The following VAC14 variants were observed in gnomAD, a reference collection of about 807,000 sequenced individuals.
VAC14 encodes VAC14 component of PIKFYVE complex.
A neutral mutation model predicts 85.3 loss-of-function variants in VAC14; 47 were observed. The observed-to-expected ratio is 0.55, with a 90% CI of 0.44 to 0.70. VAC14 has a LOEUF of 0.70. VAC14 is among the 30% of genes least tolerant of loss of function. The probability of loss-of-function intolerance (pLI) is 0.00; values close to 1 mark genes in which losing one functional copy is unlikely to be tolerated. For synonymous variants in VAC14, 447 were observed against 430.5 expected (o/e 1.04, Z -0.47); for missense variants, 861 against 1,004.3 (o/e 0.86, Z 1.93).
intron 14 of VAC14, among the ~76,000 whole-genome samples, chr16:70,724,342 A>C (rs749980987): frequency 2.0e-5 from 3 of 152,142 alleles, no homozygotes; most frequent in Non-Finnish European, 4.4e-5. Flanking sequence ...ATCTCCAGCC[A>C]CTTCTGGGTC....
At chr16:70,707,413 G>T (rs778987118) in intron 14 of VAC14, among the ~76,000 whole-genome samples, 2 of 152,204 alleles carry the variant, frequency 1.3e-5, no homozygotes, top group African/African-American at 2.4e-5. Context: ...GTGGAAAGGG[G>T]ATGGAGGGAG....
rs779823380 is a variant in VAC14 at position 70,762,856 on chromosome 16, T to C, written c.1305+25A>G. The C allele has an allele frequency of 2.5e-6, 4 of 1,613,894 alleles. No individual in the cohort carries two copies. Among genetic ancestry groups the C allele is most frequent in the African/African-American group, 2.7e-5 (2 of 74,932 alleles). On this transcript the variant is annotated intron_variant, in intron 11 of 18. Coordinates refer to ENST00000261776, the MANE Select transcript of VAC14 (RefSeq NM_018052.5). This position sits in a 1 kb window ranked among gnomAD's most constrained non-coding sequence, Gnocchi z 4.1. ...CCAAGGCGGACCCAGAAGAGGCCCC[T>C]GGCTTGGAGGGGCCCAGGGCTCACC...
intron 9 of VAC14, chr16:70,779,083 A>G (rs367855174): frequency 6.6e-6 from 1 of 152,238 alleles, no homozygotes; most frequent in East Asian, 1.9e-4. Flanking sequence ...GTGGCAGGCG[A>G]GAATTCTACC....
intron 14 of VAC14, among the ~76,000 whole-genome samples, chr16:70,728,176 C>T (rs902203142): frequency 6.6e-6 from 1 of 152,092 alleles, no homozygotes; most frequent in African/African-American, 2.4e-5. Context: ...CAGTGTGGCC[C>T]ATGGCAGGTT....
intron 12 of VAC14, among the ~76,000 whole-genome samples, chr16:70,753,497 G>A (rs560668860): frequency 5.3e-5 from 8 of 152,296 alleles, no homozygotes; most frequent in Admixed American, 3.3e-4. Context: ...GGTGAAAACC[G>A]GGGGCCCTGG....
intron 13 of VAC14, among the ~76,000 whole-genome samples, chr16:70,732,040 G>A (rs889231795): frequency 6.6e-6 from 1 of 152,054 alleles, no homozygotes; most frequent in African/African-American, 2.4e-5. Context: ...GGCCATTAAG[G>A]ACAAACAAGA....
chr16:70,710,757 C>T (rs1366058157), intron 14 of VAC14, among the ~76,000 whole-genome samples: 1 of 152,228 alleles, frequency 6.6e-6, no homozygotes, highest in African/African-American at 2.4e-5. Flanking sequence ...AAGCCACGGA[C>T]CCAACTTGGG....
intron 12 of VAC14, among the ~76,000 whole-genome samples, chr16:70,751,798 G>A (rs1297307382): frequency 6.6e-6 from 1 of 152,232 alleles, no homozygotes; most frequent in East Asian, 1.9e-4. Flanking sequence ...ACCGGGGCCA[G>A]AGGCCTCCGC....
chr16:70,751,389 A>T (rs540167180), intron 12 of VAC14, among the ~76,000 whole-genome samples: 1 of 152,372 alleles, frequency 6.6e-6, no homozygotes, highest in South Asian at 2.1e-4. Context: ...GCCACTGCCA[A>T]AGGCTATCTG....
intron 13 of VAC14, among the ~76,000 whole-genome samples, chr16:70,739,695 C>T (rs1213717499): frequency 6.6e-6 from 1 of 152,232 alleles, no homozygotes; most frequent in Non-Finnish European, 1.5e-5. Context: ...CAGAGCAGGG[C>T]AGGGCCTAAC....
At chr16:70,783,179 G>C in intron 6 of VAC14, 40 bp from the exon 7 acceptor site, 1 of 1,595,708 alleles carries the variant, frequency 6.3e-7, no homozygotes, top group Non-Finnish European at 8.6e-7. Flanking sequence ...GCGAGGGTCA[G>C]CCAGGGCTGG....
intron 12 of VAC14, among the ~76,000 whole-genome samples, chr16:70,756,432 A>C (rs948118105): frequency 1.7e-4 from 26 of 152,180 alleles, no homozygotes; most frequent in Admixed American, 1.7e-3. Context: ...CATGAAAACA[A>C]ATGAACTCTC....
chr16:70,708,614 T>A (rs1051644892), intron 14 of VAC14, among the ~76,000 whole-genome samples: 1 of 152,202 alleles, frequency 6.6e-6, no homozygotes, highest in Non-Finnish European at 1.5e-5. Flanking sequence ...CTATCCCACA[T>A]AGACACACCC....
chr16:70,737,834 G>A lies in VAC14; in HGVS notation c.1529-6207C>T, dbSNP rs778296606. On this transcript the variant is annotated intron_variant, in intron 13 of 18. Transcript: ENST00000261776. ...TAACCCTGGCTTCAGTACATAACGC[G>A]AGTTACAGTTCAACAGAACCAGATG... Among the ~76,000 whole-genome samples, 8 of 152,210 alleles carry A rather than the reference G, an allele frequency of 5.3e-5. No homozygotes were observed. In the South Asian group the frequency reaches 6.2e-4, roughly 12 times the overall value.
intron 14 of VAC14, among the ~76,000 whole-genome samples, chr16:70,707,645 G>C (rs1157232949): frequency 1.3e-5 from 2 of 152,192 alleles, no homozygotes; most frequent in East Asian, 3.9e-4. Flanking sequence ...CTCACCCTAA[G>C]TTTGGGGCTT....
chr16:70,726,441 T>C (rs901124196), intron 14 of VAC14, among the ~76,000 whole-genome samples: 1 of 152,236 alleles, frequency 6.6e-6, no homozygotes, highest in African/African-American at 2.4e-5. Flanking sequence ...GCACAAGCCC[T>C]GTGGGGAGGC....
intron 7 of VAC14, 98 bp downstream of exon 7, chr16:70,782,935 C>T (rs929775278): frequency 8.2e-6 from 9 of 1,094,166 alleles, no homozygotes; most frequent in Non-Finnish European, 1.2e-5. Context: ...TCTCCCCTGC[C>T]CCCTCACTGA....
intron 13 of VAC14, among the ~76,000 whole-genome samples, chr16:70,739,852 C>T (rs1462783404): frequency 6.6e-6 from 1 of 152,182 alleles, no homozygotes; most frequent in Non-Finnish European, 1.5e-5. Flanking sequence ...TCCTGGGCTA[C>T]AAGGAATGAA....
intron 8 of VAC14, among the ~76,000 whole-genome samples, chr16:70,781,416 G>T (rs1406101306): frequency 6.6e-6 from 1 of 152,210 alleles, no homozygotes; most frequent in South Asian, 2.1e-4. Context: ...AGGCTTCTCT[G>T]AACCTCGTAT....
Sources: gnomAD v4.1 joint callset for allele counts (sites outside exome capture counted in the v4.1 genomes callset) on GRCh38, gnomAD v4.1.1 for gene constraint, Gnocchi (gnomAD v3.1) non-coding constraint, MANE v1.5 for transcripts, NCBI Gene and HGNC (gene_info 2026-07-23, HGNC 2026-07-21) for gene names.